The following DIS3L2 variants were observed in gnomAD, a reference collection of about 807,000 sequenced individuals.
DIS3L2 encodes the protein DIS3-like exonuclease 2.
Under a neutral mutation model 97.5 loss-of-function variants are expected in DIS3L2, and 34 were observed. The observed-to-expected ratio is 0.35, with a 90% CI of 0.27 to 0.46. The LOEUF (loss-of-function observed/expected upper bound fraction) is 0.46. Ranked by LOEUF, DIS3L2 falls within the 20% of genes least tolerant of loss-of-function variation. The pLI, the probability that DIS3L2 is intolerant of heterozygous loss-of-function variation, is 1.00. For synonymous variants in DIS3L2, 435 were observed against 445.2 expected, an observed-to-expected ratio of 0.98 and a Z score of 0.29; for missense variants, 1,038 against 1,146.0, an observed-to-expected ratio of 0.91 and a Z score of 1.36.
chr2:232,161,633 G>A (rs1055071530), intron 8 of DIS3L2, among the ~76,000 whole-genome samples: 1 of 152,136 alleles, frequency 6.6e-6, no homozygotes, highest in Non-Finnish European at 1.5e-5. Context: ...ACCACACCCA[G>A]CTAAGTTTTG....
At chr2:232,264,434 A>G (rs974045752) in intron 13 of DIS3L2, among the ~76,000 whole-genome samples, 1 of 152,144 alleles carries the variant, frequency 6.6e-6, no homozygotes, top group African/African-American at 2.4e-5. Context: ...TTGAATTTCC[A>G]TATCTGAGAG....
At chr2:232,329,785 T>TGCCGGGGGGGCGCCC in intron 14 of DIS3L2, 28 bp from the exon 15 acceptor site, 8 of 967,142 alleles carry the variant, frequency 8.3e-6, no homozygotes, top group Non-Finnish European at 1.2e-5. Context: ...ACCCCAGCGG[T>TGCCGGGGGGGCGCCC]CCCTCCCATC....
chr2:231,977,866 A>AT (rs1491107780), intron 1 of DIS3L2, among the ~76,000 whole-genome samples: 2 of 152,194 alleles, frequency 1.3e-5, no homozygotes, highest in Non-Finnish European at 2.9e-5. Flanking sequence ...TGTGTTACAC[A>AT]TGTTTTTTGT....
At chr2:232,111,148 C>G (rs949541386) in intron 6 of DIS3L2, 30 of 440,170 alleles carry the variant, frequency 6.8e-5, no homozygotes, top group African/African-American at 6.2e-4. Flanking sequence ...AACTGCTGTG[C>G]TTAAAAGTTT....
chr2:232,297,883 A>T (rs1694760652), intron 13 of DIS3L2, among the ~76,000 whole-genome samples: 1 of 151,890 alleles, frequency 6.6e-6, no homozygotes, highest in Admixed American at 6.6e-5. Context: ...TTTGTATTTT[A>T]CTAGAGATGG....
rs1405016843 is a variant in DIS3L2, at chr2:232,276,279, A to C, written c.1659+12839A>C. On this transcript the variant is annotated intron_variant, in intron 13 of 20. Coordinates refer to ENST00000325385, the MANE Select transcript of DIS3L2 (RefSeq NM_152383.5). The surrounding 1 kb of genome is among the most constrained non-coding windows in gnomAD (Gnocchi z 4.4). ...TTGGCCATTAGGCAGTTTGAAACTG[A>C]TTTGCTACTGTCAGTTTCGACCCGT... Among the ~76,000 whole-genome samples, 1 of 152,268 alleles carries C rather than the reference A, an allele frequency of 6.6e-6. No individual in the cohort carries two copies. The highest frequency in any genetic ancestry group is 1.9e-4 in the East Asian group (1 of 5,178).
chr2:232,086,104 T>G (rs1439376514), intron 5 of DIS3L2, among the ~76,000 whole-genome samples: 1 of 152,124 alleles, frequency 6.6e-6, no homozygotes, highest in Non-Finnish European at 1.5e-5. Flanking sequence ...GCCTGGATTT[T>G]TTTCCTCTAC....
intron 16 of DIS3L2, among the ~76,000 whole-genome samples, chr2:232,333,112 T>C (rs1285803198): frequency 3.3e-5 from 5 of 149,778 alleles, no homozygotes; most frequent in African/African-American, 1.2e-4. Flanking sequence ...CTCCTCCTCA[T>C]TGTCCTCCTC....
intron 5 of DIS3L2, among the ~76,000 whole-genome samples, chr2:232,069,247 G>A (rs1173081393): frequency 1.3e-5 from 2 of 152,124 alleles, no homozygotes; most frequent in Non-Finnish European, 2.9e-5. Flanking sequence ...TTGACAAGTT[G>A]TTTAACCTTT....
At chr2:232,025,285 A>C (rs190453668) in intron 4 of DIS3L2, among the ~76,000 whole-genome samples, 14 of 152,266 alleles carry the variant, frequency 9.2e-5, no homozygotes, top group African/African-American at 3.4e-4. Flanking sequence ...TGAAATCCAA[A>C]ATGCTCCAGT....
chr2:232,157,387 C>G (rs886804561), intron 8 of DIS3L2, among the ~76,000 whole-genome samples: 1 of 152,176 alleles, frequency 6.6e-6, no homozygotes, highest in African/African-American at 2.4e-5. Flanking sequence ...TGGCACTCCC[C>G]CCTCACAACT....
intron 14 of DIS3L2, among the ~76,000 whole-genome samples, chr2:232,317,046 G>A (rs747238842): frequency 2.0e-5 from 3 of 152,214 alleles, no homozygotes; most frequent in Non-Finnish European, 2.9e-5. Context: ...AGAACCACCA[G>A]TACCTCGCTG....
At chr2:232,271,860 A>C (rs1488167419) in intron 13 of DIS3L2, among the ~76,000 whole-genome samples, 1 of 152,144 alleles carries the variant, frequency 6.6e-6, no homozygotes, top group Non-Finnish European at 1.5e-5. Flanking sequence ...GAAGAGACAG[A>C]GATTGATTTA....
intron 9 of DIS3L2, 25 bp from the exon 10 acceptor site, chr2:232,210,301 T>C: frequency 6.3e-7 from 1 of 1,596,372 alleles, no homozygotes; most frequent in East Asian, 2.2e-5. Context: ...GTGGCATTGC[T>C]AATTGTTTCT....
chr2:232,146,117 A>G (rs10498259), intron 8 of DIS3L2, among the ~76,000 whole-genome samples: 3,262 of 152,248 alleles, frequency 0.021, 110 homozygotes, highest in African/African-American at 0.074. Flanking sequence ...CTAGTTCAAC[A>G]TGGAAGTTAT....
chr2:231,966,752 C>T (rs1692732542), intron 1 of DIS3L2, among the ~76,000 whole-genome samples: 4 of 130,406 alleles, frequency 3.1e-5, no homozygotes, highest in African/African-American at 1.2e-4. Flanking sequence ...GCCTCAGCCT[C>T]TCAAATATTG....
At chr2:232,182,581 G>A (rs13416596) in intron 9 of DIS3L2, among the ~76,000 whole-genome samples, 1 of 151,920 alleles carries the variant, frequency 6.6e-6, no homozygotes, top group Admixed American at 6.6e-5. Flanking sequence ...TTTGCTTTGT[G>A]TATTTTGTGG....
chr2:232,293,254 T>C lies in DIS3L2; in HGVS notation c.1660-6786T>C, dbSNP rs1694646797. Among the ~76,000 whole-genome samples, 1 of 152,060 alleles carries C rather than the reference T, an allele frequency of 6.6e-6. No homozygotes were observed. The highest frequency in any genetic ancestry group is 2.1e-4 in the South Asian group (1 of 4,828). The stretch of plus-strand genomic sequence containing the variant: ...GCCACAGCTGGTCATCTGGTGGCAA[T>C]TACTGAGCAGGAGGCAGACGTGAGG... On this transcript the variant is annotated intron_variant, in intron 13 of 20. Coordinates refer to ENST00000325385, the MANE Select transcript of DIS3L2 (RefSeq NM_152383.5). This position sits in a 1 kb window ranked among gnomAD's most constrained non-coding sequence, Gnocchi z 4.6.
intron 1 of DIS3L2, among the ~76,000 whole-genome samples, chr2:231,973,596 G>T (rs1692986545): frequency 6.6e-6 from 1 of 152,048 alleles, no homozygotes; most frequent in Non-Finnish European, 1.5e-5. Flanking sequence ...TCACTGTGTT[G>T]CCCAGGCTGG....
Sources: gnomAD v4.1 joint callset for allele counts (sites outside exome capture counted in the v4.1 genomes callset) on GRCh38, gnomAD v4.1.1 for gene constraint, Gnocchi (gnomAD v3.1) non-coding constraint, MANE v1.5 for transcripts, NCBI Gene and HGNC (gene_info 2026-07-23, HGNC 2026-07-21) for gene names.